The following LHFPL3 variants were observed in gnomAD, a reference collection of about 807,000 sequenced individuals.
The protein encoded by LHFPL3 is LHFPL tetraspan subfamily member 3 protein.
LHFPL3 carries 5 observed loss-of-function variants against 19.3 expected under a neutral mutation model. The ratio of observed to expected loss-of-function variants is 0.26; its 90% CI spans 0.14 to 0.54. LHFPL3 has a LOEUF of 0.54. Ranked by LOEUF, LHFPL3 falls within the 20% of genes least tolerant of loss-of-function variation. The pLI is 0.94. For synonymous variants in LHFPL3, 133 were observed against 126.2 expected, an observed-to-expected ratio of 1.05 and a Z score of -0.36; for missense variants, 249 against 307.4, an observed-to-expected ratio of 0.81 and a Z score of 1.42.
chr7:104,795,484 T>C (rs533061521), intron 2 of LHFPL3, among the ~76,000 whole-genome samples: 1 of 152,288 alleles, frequency 6.6e-6, no homozygotes, highest in South Asian at 2.1e-4. Context: ...TCAATTGTAT[T>C]AGGGAAAGCT....
intron 1 of LHFPL3, chr7:104,668,544 T>A: frequency 6.2e-7 from 1 of 1,612,954 alleles, no homozygotes; most frequent in East Asian, 2.2e-5. Flanking sequence ...TGATAGAGGC[T>A]ATGATTCCCG....
chr7:104,790,467 C>CT lies in LHFPL3; in HGVS notation c.682+53564dup, dbSNP rs146524746. Among the ~76,000 whole-genome samples, 1,458 of 152,032 alleles carry CT rather than the reference C, an allele frequency of 9.6e-3. 15 individuals carry two copies. The highest frequency in any genetic ancestry group is 0.031 in the African/African-American group (1,273 of 41,462). On this transcript the variant is annotated intron_variant, in intron 2 of 2. Coordinates refer to ENST00000424859, the MANE Select transcript of LHFPL3 (RefSeq NM_199000.3). ...GTCTCCTTTCTGGAATTTGCTTGCA[C>CT]TTTTTTTTGGTACCATCCAGTTTGG...
chr7:104,504,628 C>T (rs1354045305), intron 1 of LHFPL3, among the ~76,000 whole-genome samples: 1 of 152,172 alleles, frequency 6.6e-6, no homozygotes, highest in Non-Finnish European at 1.5e-5. Context: ...ATAGGGGTCT[C>T]AGGGTTGATT....
At chr7:104,614,699 C>A (rs1562950497) in intron 1 of LHFPL3, among the ~76,000 whole-genome samples, 3 of 133,614 alleles carry the variant, frequency 2.2e-5, no homozygotes, top group African/African-American at 5.8e-5. Flanking sequence ...TTCTTTCTTT[C>A]TTTCTTTCTT....
At chr7:104,519,905 G>A (rs910977864) in intron 1 of LHFPL3, among the ~76,000 whole-genome samples, 6 of 152,120 alleles carry the variant, frequency 3.9e-5, no homozygotes, top group Non-Finnish European at 7.4e-5. Flanking sequence ...TGGTGCAAGT[G>A]GAATTTATCC....
chr7:104,749,863 G>A (rs1794128561), intron 2 of LHFPL3, among the ~76,000 whole-genome samples: 1 of 152,172 alleles, frequency 6.6e-6, no homozygotes, highest in Non-Finnish European at 1.5e-5. Flanking sequence ...GCTCTACAGT[G>A]GCCGCCCCTA....
intron 2 of LHFPL3, among the ~76,000 whole-genome samples, chr7:104,760,437 T>A (rs1179120193): frequency 6.6e-6 from 1 of 152,204 alleles, no homozygotes; most frequent in Middle Eastern, 3.2e-3. Flanking sequence ...AGCATTCACC[T>A]CTTCCCTCAG....
intron 1 of LHFPL3, among the ~76,000 whole-genome samples, chr7:104,637,450 T>G (rs1330856151): frequency 6.6e-6 from 1 of 152,208 alleles, no homozygotes; most frequent in Non-Finnish European, 1.5e-5. Context: ...CATGAAATCT[T>G]TGCCAGTTCC....
intron 1 of LHFPL3, among the ~76,000 whole-genome samples, chr7:104,461,787 G>A (rs1322019344): frequency 1.3e-5 from 2 of 152,132 alleles, no homozygotes; most frequent in Non-Finnish European, 2.9e-5. Context: ...GTTCTGTGAA[G>A]AATGTCATTG....
At chr7:104,805,633 G>C (rs1790345814) in intron 2 of LHFPL3, among the ~76,000 whole-genome samples, 1 of 152,212 alleles carries the variant, frequency 6.6e-6, no homozygotes. Flanking sequence ...ACTAAAGGAG[G>C]CTTCACAGAG....
intron 1 of LHFPL3, among the ~76,000 whole-genome samples, chr7:104,570,377 C>A (rs1318522540): frequency 6.6e-6 from 1 of 152,174 alleles, no homozygotes; most frequent in Admixed American, 6.5e-5. Flanking sequence ...AAAAGAATGA[C>A]CTTCAATAGT....
intron 1 of LHFPL3, among the ~76,000 whole-genome samples, chr7:104,610,004 C>T (rs1450840996): frequency 1.3e-5 from 2 of 152,180 alleles, no homozygotes; most frequent in African/African-American, 4.8e-5. Flanking sequence ...ATTAAACAGA[C>T]ATCAACGTGT....
At chr7:104,754,833 G>A (rs1230478784) in intron 2 of LHFPL3, among the ~76,000 whole-genome samples, 2 of 152,102 alleles carry the variant, frequency 1.3e-5, no homozygotes, top group East Asian at 1.9e-4. Flanking sequence ...CTCTCAGATG[G>A]CATCAGCATA....
intron 1 of LHFPL3, among the ~76,000 whole-genome samples, chr7:104,424,983 T>TAAAAAAAAAAAAAAAAAAAAAAAAAA (rs71153196): frequency 1.5e-5 from 1 of 65,186 alleles, no homozygotes; most frequent in African/African-American, 6.6e-5. Context: ...CTCCATCTCA[T>TAAAAAAAAAAAAAAAAAAAAAAAAAA]AAAAAAAAAA....
intron 1 of LHFPL3, among the ~76,000 whole-genome samples, chr7:104,704,023 A>C (rs968111430): frequency 6.6e-6 from 1 of 152,144 alleles, no homozygotes; most frequent in Non-Finnish European, 1.5e-5. Flanking sequence ...ACTTTCATGA[A>C]ATTTTTAAGC....
chr7:104,747,271 C>G (rs189859864), intron 2 of LHFPL3, among the ~76,000 whole-genome samples: 2 of 152,340 alleles, frequency 1.3e-5, no homozygotes, highest in East Asian at 3.9e-4. Flanking sequence ...GAATGTTACA[C>G]ATTTTCAACC....
At chr7:104,734,837 A>C (rs1201866869) in intron 1 of LHFPL3, among the ~76,000 whole-genome samples, 1 of 151,986 alleles carries the variant, frequency 6.6e-6, no homozygotes, top group East Asian at 1.9e-4. Context: ...TTTTTTCCCC[A>C]TCTTTGTGGT....
intron 1 of LHFPL3, among the ~76,000 whole-genome samples, chr7:104,612,350 C>A (rs1791227677): frequency 6.6e-6 from 1 of 151,996 alleles, no homozygotes; most frequent in Admixed American, 6.6e-5. Flanking sequence ...CAAGTAATAT[C>A]CTGATTCCTC....
intron 1 of LHFPL3, among the ~76,000 whole-genome samples, chr7:104,393,643 G>A (rs750123364): frequency 3.3e-5 from 5 of 152,144 alleles, no homozygotes; most frequent in Non-Finnish European, 5.9e-5. Flanking sequence ...TTAAACCTGG[G>A]AGGCAGAGGT....
Sources: gnomAD v4.1 joint callset for allele counts (sites outside exome capture counted in the v4.1 genomes callset) on GRCh38, gnomAD v4.1.1 for gene constraint, MANE v1.5 for transcripts, NCBI Gene and HGNC (gene_info 2026-07-23, HGNC 2026-07-21) for gene names.